OVGP1: variants seen among roughly 807,000 people sequenced by gnomAD.
OVGP1 encodes oviduct-specific glycoprotein.
Under a neutral mutation model 48.2 loss-of-function variants are expected in OVGP1, and 26 were observed. The observed-to-expected ratio is 0.54, with a 90% CI of 0.40 to 0.75. The LOEUF (loss-of-function observed/expected upper bound fraction) is 0.75, where lower values mean the gene tolerates loss of function less well. Ranked by LOEUF, OVGP1 falls within the 30% of genes least tolerant of loss-of-function variation. The pLI, the probability that OVGP1 is intolerant of heterozygous loss-of-function variation, is 0.00. For synonymous variants in OVGP1, 294 were observed against 305.7 expected (o/e 0.96, Z 0.40); for missense variants, 791 against 820.6 (o/e 0.96, Z 0.44).
In OVGP1 at chr1:111,416,349, A is replaced by T. The variant is rs1461953555; in HGVS notation, c.1130T>A (p.Val377Glu). 6.2e-7 allele frequency: 1 copy of T among 1,602,812 alleles called. No homozygotes were observed. The highest frequency in any genetic ancestry group is 8.5e-7 in the Non-Finnish European group (1 of 1,174,248). Reference protein sequence around the residue: ...CGTGPFPLVYVLNDILVRAEF... With the variant: ...CGTGPFPLVYELNDILVRAEF... ...AGCCCGCACCAGGATATCATTCAAT[A>T]CGTAGACAAGGGGGAAAGGGCCAGT... is the stretch of plus-strand genomic sequence containing the variant. The change falls in exon 10 of 11, where the codon GTA (valine) becomes GAA (glutamate). Residue 377 changes from valine (V) to glutamate (E), a missense_variant. Physicochemically the swap from Val to Glu is moderately radical, Grantham distance 121. Transcript: ENST00000369732.
rs113946341 is a variant in OVGP1, at chr1:111,416,117, T to C, written c.1156+206A>G. Reference sequence around the variant, plus strand: ...TCATGAGTATACAGATTATTCCCATTTTAAATAGAACAAAGGAAGCTCAAA... The same window carrying C: ...TCATGAGTATACAGATTATTCCCATCTTAAATAGAACAAAGGAAGCTCAAA... On this transcript the variant is annotated intron_variant, in intron 10 of 10. Coordinates refer to ENST00000369732, the MANE Select transcript of OVGP1 (RefSeq NM_002557.4). Among the ~76,000 whole-genome samples, 104 of 152,296 alleles carry C rather than the reference T, an allele frequency of 6.8e-4. 1 individual carries two copies. Among genetic ancestry groups the C allele is most frequent in the African/African-American group, 2.4e-3 (98 of 41,552 alleles).
At chr1:111,426,370 G>C in intron 3 of OVGP1, 67 bp downstream of exon 3, 1 of 1,607,112 alleles carries the variant, frequency 6.2e-7, no homozygotes, top group South Asian at 1.1e-5. Flanking sequence ...AGTAACAGGA[G>C]AAATAGACTG....
chr1:111,426,570 G>T lies in OVGP1; in HGVS notation c.127C>A (p.Pro43Thr), dbSNP rs1181499608. ...HSRPGPASILPHDLDPFLCTH... is the reference protein window; with the variant it reads ...HSRPGPASILTHDLDPFLCTH... The stretch of plus-strand genomic sequence containing the variant: ...CAGAGAAAGGGGTCCAGGTCATGGG[G>T]CAAGATCGAGGCAGGGCCTGGCCGA... The change falls in exon 3 of 11, where the codon CCC (proline) becomes ACC (threonine). Residue 43 changes from proline (P) to threonine (T), a missense_variant. By Grantham distance (38) the Pro-to-Thr change is conservative. Coordinates refer to ENST00000369732, the MANE Select transcript of OVGP1 (RefSeq NM_002557.4). 2 of 1,614,018 alleles carry T rather than the reference G, an allele frequency of 1.2e-6. No homozygotes were observed. The highest frequency in any genetic ancestry group is 1.7e-5 in the Admixed American group (1 of 59,996).
In OVGP1 at chr1:111,416,420, C is replaced by G. The variant is rs775395888; in HGVS notation, c.1059G>C (p.Met353Ile). ...FIRREHFGGA[M>I]VWTLDMDDVR... ...CGTCATCCATGTCCAATGTCCACAC[C>G]ATGGCCCCCCCAAAATGCTCTCGCC... The change falls in exon 10 of 11, where the codon ATG becomes ATC. Residue 353 changes from methionine (M) to isoleucine (I), a missense_variant. Met to Ile is a conservative substitution (Grantham distance 10). Coordinates refer to ENST00000369732, the MANE Select transcript of OVGP1 (RefSeq NM_002557.4). The G allele has an allele frequency of 6.2e-7, 1 of 1,606,636 alleles. No homozygotes were observed. The highest frequency in any genetic ancestry group is 8.5e-7 in the Non-Finnish European group (1 of 1,176,532).
Position 111,414,931 on chromosome 1 carries a change from GGGTCTT to G in OVGP1, c.1564_1569del (p.Lys522_Thr523del). The G allele has an allele frequency of 6.2e-6, 5 of 800,366 alleles. No homozygotes were observed. The highest frequency in any genetic ancestry group is 9.2e-6 in the Non-Finnish European group (5 of 546,046). 49.6% of individuals were successfully genotyped at this position (800,366 alleles called of 1,614,324 possible). ...ACAGACTGATGACCCACAGGGGTCAGGGTCTTTTCCCCAGGGGTCACAGACTGATAA... is the reference window on the plus strand; with the variant it reads ...ACAGACTGATGACCCACAGGGGTCAGTTCCCCAGGGGTCACAGACTGATAA... On this transcript the variant is annotated inframe_deletion, in exon 11 of 11. Transcript: ENST00000369732.
At chr1:111,425,561 A>G in intron 3 of OVGP1, 122 bp from the exon 4 acceptor site, 8 of 1,526,746 alleles carry the variant, frequency 5.2e-6, no homozygotes, top group Non-Finnish European at 7.1e-6. Flanking sequence ...GAGGTAAGGA[A>G]AGGAAAAGGG....
In OVGP1 at chr1:111,427,680, G is replaced by T; in HGVS notation, c.25+17C>A. 6.2e-7 allele frequency: 1 copy of T among 1,612,708 alleles called. No individual in the cohort carries two copies. Among genetic ancestry groups the T allele is most frequent in the South Asian group, 1.1e-5 (1 of 91,042 alleles). ...CTTCCTGGACTGAGTGACACTGCTG[G>T]GACCTGCCACACTCACCAACCCACA... On this transcript the variant is annotated intron_variant, in intron 1 of 10. Transcript: ENST00000369732.
intron 8 of OVGP1, 148 bp downstream of exon 8, chr1:111,421,128 C>G (rs2101725962): frequency 1.7e-6 from 1 of 572,558 alleles, no homozygotes; most frequent in Non-Finnish European, 2.8e-6. Flanking sequence ...AGAAAATATC[C>G]CAGAGAGTGG....
chr1:111,421,464 G>A lies in OVGP1; in HGVS notation c.718-3C>T. 6 of 1,609,912 alleles carry A rather than the reference G, an allele frequency of 3.7e-6. No homozygotes were observed. The highest frequency in any genetic ancestry group is 5.1e-6 in the Non-Finnish European group (6 of 1,178,180). On this transcript the variant is annotated splice_region_variant and splice_polypyrimidine_tract_variant and intron_variant, in intron 7 of 10. Transcript: ENST00000369732. Reference sequence around the variant, plus strand: ...CTCCAATAATTCATAGCATATGCCTGCAGGTAAGAAGAATCCAGACTCCTC... The same window carrying A: ...CTCCAATAATTCATAGCATATGCCTACAGGTAAGAAGAATCCAGACTCCTC...
chr1:111,421,790 C>A, intron 6 of OVGP1, 117 bp from the exon 7 acceptor site: 1 of 669,826 alleles, frequency 1.5e-6, no homozygotes, highest in East Asian at 2.6e-5. Flanking sequence ...TTCCCTGCTC[C>A]TTCTGCCTGT....
At chr1:111,422,502 TG>T (rs1276563483) in intron 6 of OVGP1, among the ~76,000 whole-genome samples, 1 of 152,264 alleles carries the variant, frequency 6.6e-6, no homozygotes, top group Non-Finnish European at 1.5e-5. Context: ...CTCTGAATAC[TG>T]GATGTGACTG....
In OVGP1 at chr1:111,415,100, T is replaced by C. The variant is rs773646204; in HGVS notation, c.1401A>G (p.Leu467=). ...TVSLGKHTVA[L]GEKTEITGAM... ...CCCCAGTGATCTCAGTCTTCTCTCC[T>C]AGAGCTACAGTGTGCTTTCCAAGGG... Residue 467 remains leucine (L), a synonymous_variant, in exon 11 of 11, where the codon CTA becomes CTG. Coordinates refer to ENST00000369732, the MANE Select transcript of OVGP1 (RefSeq NM_002557.4). 1 of 1,614,194 alleles carries C rather than the reference T, an allele frequency of 6.2e-7. No individual in the cohort carries two copies.
At position 111,425,342 on chromosome 1, in the gene OVGP1, T is replaced by C. The variant is rs202198369; in HGVS notation, c.317+41A>G. 2.1e-5 allele frequency: 34 copies of C among 1,611,870 alleles called. No homozygotes were observed. In the Middle Eastern group the frequency reaches 5.5e-4, roughly 26 times the overall value. ...CTGTCTTCACGTCTAACCAGCCTGC[T>C]CCACCCTCCCAGGGAGAAGAGAATA... On this transcript the variant is annotated intron_variant, in intron 4 of 10. Transcript: ENST00000369732.
At chr1:111,421,498 T>C (rs1261835373) in intron 7 of OVGP1, 37 bp from the exon 8 acceptor site, 3 of 1,608,198 alleles carry the variant, frequency 1.9e-6, no homozygotes, top group South Asian at 1.1e-5. Context: ...TCCTTGTTAC[T>C]AAGAGCCAAT....
Position 111,414,999 on chromosome 1 carries a change from G to T in OVGP1, c.1502C>A (p.Ser501Tyr). Residue 501 changes from serine to tyrosine, a missense_variant, in exon 11 of 11, where the codon TCT becomes TAT. Coordinates refer to ENST00000369732, the MANE Select transcript of OVGP1 (RefSeq NM_002557.4). ...EKALTPVGHQ[S>Y]VTTGQKTLTS... ...CAGGGTCTTCTGTCCAGTGGTCACA[G>T]ATTGATGACCCACAGGGGTCAGGGC... 6.3e-7 allele frequency: 1 copy of T among 1,599,868 alleles called. No individual in the cohort carries two copies. Among genetic ancestry groups the T allele is most frequent in the Non-Finnish European group, 8.5e-7 (1 of 1,170,020 alleles).
At chr1:111,427,147 A>G in intron 1 of OVGP1, 56 bp from the exon 2 acceptor site, 2 of 1,612,852 alleles carry the variant, frequency 1.2e-6, no homozygotes, top group Admixed American at 3.3e-5. Flanking sequence ...CCAGAGTGGT[A>G]TGGCACAGCA....
chr1:111,422,768 C>T (rs981804075), intron 6 of OVGP1, among the ~76,000 whole-genome samples, 159 bp downstream of exon 6: 4 of 152,188 alleles, frequency 2.6e-5, no homozygotes, highest in African/African-American at 7.2e-5. Flanking sequence ...ACTAGCCCTT[C>T]TCCCCACCCA....
chr1:111,418,358 G>C (rs193151385), intron 9 of OVGP1, among the ~76,000 whole-genome samples: 1 of 152,232 alleles, frequency 6.6e-6, no homozygotes, highest in East Asian at 1.9e-4. Context: ...AATCTTTCCT[G>C]TTTGTGTCTT....
chr1:111,422,818 G>T, intron 6 of OVGP1, 109 bp downstream of exon 6: 4 of 1,306,632 alleles, frequency 3.1e-6, no homozygotes, highest in Non-Finnish European at 4.3e-6. Context: ...TGACGTCAGG[G>T]CAGGCACACG....
Sources: allele counts gnomAD v4.1 joint callset (sites outside exome capture counted in the v4.1 genomes callset), GRCh38; gene constraint gnomAD v4.1.1; transcripts MANE v1.5; gene names NCBI Gene and HGNC (gene_info 2026-07-23, HGNC 2026-07-21).